The following SLA variants were observed in gnomAD, a reference collection of about 807,000 sequenced individuals.
SLA encodes the protein src-like-adapter.
Under a neutral mutation model 30.3 loss-of-function variants are expected in SLA, and 16 were observed. That is an observed-to-expected ratio of 0.53 (90% CI 0.36 to 0.80). The LOEUF (loss-of-function observed/expected upper bound fraction) is 0.80, where lower values mean the gene tolerates loss of function less well. SLA is among the 30% of genes least tolerant of loss of function. The pLI, the probability that SLA is intolerant of heterozygous loss-of-function variation, is 0.01. For synonymous variants in SLA, 143 were observed against 137.8 expected (o/e 1.04, Z -0.26); for missense variants, 310 against 345.2 (o/e 0.90, Z 0.81).
At position 133,039,979 on chromosome 8, in the gene SLA, A is replaced by ACG. The variant is rs34759687; in HGVS notation, c.617+18_617+19insCG. On this transcript the variant is annotated intron_variant, in intron 8 of 8. Coordinates refer to ENST00000338087, the MANE Select transcript of SLA (RefSeq NM_001045556.3). ...CACACACACACACACACACACACAC[A>ACG]TACACACACCATACTCACCTGGACA... 9.6e-6 allele frequency: 8 copies of ACG among 833,322 alleles called. No individual in the cohort carries two copies. The highest frequency in any genetic ancestry group is 2.9e-5 in the South Asian group (1 of 34,470). 51.6% of individuals were successfully genotyped at this position (833,322 alleles called of 1,614,324 possible).
At chr8:133,085,983 C>T (rs1846489038) in intron 1 of SLA, among the ~76,000 whole-genome samples, 1 of 152,118 alleles carries the variant, frequency 6.6e-6, no homozygotes, top group Non-Finnish European at 1.5e-5. Flanking sequence ...TGTTTACCAG[C>T]CAATGAGTAG....
In SLA at chr8:133,044,970, TGTA is replaced by T; in HGVS notation, c.484+11_484+13del. 1 of 1,614,000 alleles carries T rather than the reference TGTA, an allele frequency of 6.2e-7. No individual in the cohort carries two copies. Among genetic ancestry groups the T allele is most frequent in the Non-Finnish European group, 8.5e-7 (1 of 1,179,878 alleles). On this transcript the variant is annotated intron_variant, in intron 7 of 8. Coordinates refer to ENST00000338087, the MANE Select transcript of SLA (RefSeq NM_001045556.3). ...TCCCACCATCACAATCACTCCATAT[TGTA>T]TGTCTCTTACCAGAATAGTGGTTCA... is the stretch of plus-strand genomic sequence containing the variant.
chr8:133,052,909 T>C (rs2131249667), intron 3 of SLA, among the ~76,000 whole-genome samples: 1 of 152,298 alleles, frequency 6.6e-6, no homozygotes, highest in South Asian at 2.1e-4. Flanking sequence ...GGTTTCCTAG[T>C]CTGGAAAATG....
rs752802019 is a variant in SLA, at chr8:133,096,324, T to C, written c.-319+6229A>G. ...TTATGGGTAGAGGTCGATCTGCTCA[T>C]TGGGAGTTCTCAGGACGACGGGCTC... is the stretch of plus-strand genomic sequence containing the variant. On this transcript the variant is annotated intron_variant, in intron 1 of 8. Transcript: ENST00000338087. The C allele has an allele frequency of 1.9e-5, 30 of 1,614,016 alleles. 1 individual carries two copies. The highest frequency in any genetic ancestry group is 4.2e-6 in the Non-Finnish European group (5 of 1,180,024).
rs551837870 is a variant in SLA, at chr8:133,054,155, A to G, written c.62-3240T>C. 7.2e-5 allele frequency among the ~76,000 whole-genome samples: 11 copies of G among 152,258 alleles called. No homozygotes were observed. In the South Asian group the frequency reaches 8.3e-4, roughly 11 times the overall value. On this transcript the variant is annotated intron_variant, in intron 3 of 8. Transcript: ENST00000338087. ...TTTGTTGGTAAAGGTGAGACATATT[A>G]TCATCTACTCCTAGAACTCCTTAGC...
intron 1 of SLA, among the ~76,000 whole-genome samples, chr8:133,080,464 G>C (rs976995677): frequency 4.6e-5 from 7 of 152,046 alleles, no homozygotes; most frequent in Non-Finnish European, 7.4e-5. Context: ...GCCTCCCATT[G>C]GGTCTTCCCA....
At chr8:133,099,281 T>C (rs982729381) in intron 1 of SLA, among the ~76,000 whole-genome samples, 7 of 152,254 alleles carry the variant, frequency 4.6e-5, no homozygotes. Context: ...CGTTCGTTTC[T>C]GGCTTCGCTT....
chr8:133,044,847 A>G, intron 7 of SLA, 137 bp downstream of exon 7: 1 of 818,336 alleles, frequency 1.2e-6, no homozygotes, highest in Non-Finnish European at 2.0e-6. Flanking sequence ...TACAGTCTGA[A>G]TTAACGAGAG....
chr8:133,073,486 C>T (rs1042167302), intron 2 of SLA, among the ~76,000 whole-genome samples: 26 of 152,220 alleles, frequency 1.7e-4, no homozygotes, highest in Admixed American at 1.3e-3. Context: ...TCTCGCCTCC[C>T]GAGTAGCTGG....
rs141161846 is a variant in SLA at position 133,080,654 on chromosome 8, G to C, written c.-318-5524C>G. ...CCTGGCATTCAAAGCTCATCAATCT[G>C]TTCTCCACCCTCCTTATCAGCCCCA... On this transcript the variant is annotated intron_variant, in intron 1 of 8. Coordinates refer to ENST00000338087, the MANE Select transcript of SLA (RefSeq NM_001045556.3). Among the ~76,000 whole-genome samples the C allele has an allele frequency of 1.3e-3, 204 of 152,200 alleles. 2 individuals are homozygous for C. The highest frequency in any genetic ancestry group is 4.6e-3 in the Admixed American group (70 of 15,284).
At chr8:133,049,642 T>C in intron 5 of SLA, 1 of 468,242 alleles carries the variant, frequency 2.1e-6, no homozygotes, top group South Asian at 2.2e-5. Context: ...TGTTTACCAC[T>C]CTGTGCCAGG....
At position 133,038,728 on chromosome 8, in the gene SLA, C is replaced by G. The variant is rs528805748; in HGVS notation, c.627G>C (p.Glu209Asp). 3.2e-5 allele frequency: 51 copies of G among 1,612,956 alleles called. No individual in the cohort carries two copies. In the East Asian group the frequency reaches 1.1e-3, roughly 35 times the overall value. Residue 209 changes from glutamate to aspartate, a missense_variant, in exon 9 of 9, where the codon GAG (glutamate) becomes GAC (aspartate). Coordinates refer to ENST00000338087, the MANE Select transcript of SLA (RefSeq NM_001045556.3). Reference protein sequence around the residue: ...VDWRRVSRLQEDPEGTENPLG... With the variant: ...VDWRRVSRLQDDPEGTENPLG... The stretch of plus-strand genomic sequence containing the variant: ...GCGGGTTCTCTGTTCCCTCGGGGTC[C>G]TCCTGCAGTCTGTGGGCCAGAAGAA...
intron 3 of SLA, among the ~76,000 whole-genome samples, chr8:133,052,907 A>C (rs1249990730): frequency 1.3e-5 from 2 of 152,136 alleles, no homozygotes; most frequent in African/African-American, 4.8e-5. Context: ...TGGGTTTCCT[A>C]GTCTGGAAAA....
chr8:133,088,955 A>G (rs1847054332), intron 1 of SLA, among the ~76,000 whole-genome samples: 1 of 152,254 alleles, frequency 6.6e-6, no homozygotes, highest in South Asian at 2.1e-4. Flanking sequence ...AAAAAAGTCC[A>G]TCTGTGCTTT....
intron 1 of SLA, among the ~76,000 whole-genome samples, chr8:133,087,300 G>A (rs925067995): frequency 4.6e-5 from 7 of 152,136 alleles, no homozygotes; most frequent in Admixed American, 3.9e-4. Flanking sequence ...AGCTAAGGTC[G>A]CACTGATGGA....
intron 1 of SLA, among the ~76,000 whole-genome samples, chr8:133,098,774 G>A (rs79284552): frequency 2.0e-3 from 309 of 152,284 alleles, no homozygotes; most frequent in African/African-American, 7.2e-3. Flanking sequence ...GGTTGTTCTT[G>A]TTGGCAGATC....
chr8:133,040,374 AAGATCC>A (rs745796885), intron 7 of SLA: 6 of 497,368 alleles, frequency 1.2e-5, no homozygotes, highest in Non-Finnish European at 2.2e-5. Flanking sequence ...AGAGAGGTTT[AAGATCC>A]AGTATCAACC....
At chr8:133,100,649 A>T (rs1243702489) in intron 1 of SLA, among the ~76,000 whole-genome samples, 1 of 152,158 alleles carries the variant, frequency 6.6e-6, no homozygotes, top group African/African-American at 2.4e-5. Flanking sequence ...ATCTGCCTCC[A>T]AATATCCTCT....
At chr8:133,080,197 T>C (rs1845535003) in intron 1 of SLA, among the ~76,000 whole-genome samples, 1 of 151,952 alleles carries the variant, frequency 6.6e-6, no homozygotes, top group Non-Finnish European at 1.5e-5. Context: ...GGTACAAAAG[T>C]TTGGGGCTGG....
Sources: gnomAD v4.1 joint callset for allele counts (sites outside exome capture counted in the v4.1 genomes callset) on GRCh38, gnomAD v4.1.1 for gene constraint, MANE v1.5 for transcripts, NCBI Gene and HGNC (gene_info 2026-07-23, HGNC 2026-07-21) for gene names.